RBFOX1: variants seen among roughly 807,000 people sequenced by gnomAD.
RBFOX1 encodes the protein RNA binding fox-1 homolog 1.
Under a neutral mutation model 57.7 loss-of-function variants are expected in RBFOX1, and 8 were observed. That is an observed-to-expected ratio of 0.14 (90% CI 0.08 to 0.25). The LOEUF (loss-of-function observed/expected upper bound fraction) is 0.25, where lower values mean the gene tolerates loss of function less well. Among genes scored for constraint, RBFOX1 ranks in the 10% least tolerant of loss-of-function variants. The probability of loss-of-function intolerance (pLI) is 1.00; values close to 1 mark genes in which losing one functional copy is unlikely to be tolerated. For synonymous variants in RBFOX1, 326 were observed against 222.4 expected (o/e 1.47, Z -4.15); for missense variants, 611 against 548.5 (o/e 1.11, Z -1.14).
chr16:6,039,648 G>C (rs1415054002), intron 1 of RBFOX1, among the ~76,000 whole-genome samples: 1 of 152,168 alleles, frequency 6.6e-6, no homozygotes, highest in African/African-American at 2.4e-5. Context: ...CAGTTATTTT[G>C]AGGAAAGTTA....
At chr16:6,970,164 C>A (rs182889018) in intron 3 of RBFOX1, among the ~76,000 whole-genome samples, 1 of 150,898 alleles carries the variant, frequency 6.6e-6, no homozygotes, top group East Asian at 1.9e-4. Context: ...GGCAACAGAA[C>A]AAGACTCTGG....
rs574852801 is a variant in RBFOX1, at chr16:7,133,197, G to A, written c.27+81099G>A. 3.3e-5 allele frequency among the ~76,000 whole-genome samples: 5 copies of A among 152,126 alleles called. 1 individual carries two copies. The highest frequency in any genetic ancestry group is 4.1e-4 in the South Asian group (2 of 4,822). On this transcript the variant is annotated intron_variant, in intron 4 of 15. Coordinates refer to ENST00000550418, the MANE Select transcript of RBFOX1 (RefSeq NM_018723.4). ...GATTCTCAATGTTTTTGATGAAGAGGGAAAGAGAAAACATATCATTTAAAA... is the reference window on the plus strand; with the variant it reads ...GATTCTCAATGTTTTTGATGAAGAGAGAAAGAGAAAACATATCATTTAAAA...
At position 6,778,969 on chromosome 16, in the gene RBFOX1, G is replaced by A. The variant is rs537692269; in HGVS notation, c.-16+124319G>A. On this transcript the variant is annotated intron_variant, in intron 3 of 15. Coordinates refer to ENST00000550418, the MANE Select transcript of RBFOX1 (RefSeq NM_018723.4). ...GTGTAATGATCAAATCAAGGTAATT[G>A]AAGTAGCCTAACTTTAAATATTTAT... Among the ~76,000 whole-genome samples the A allele has an allele frequency of 6.3e-4, 96 of 151,962 alleles. 1 individual carries two copies. In the Middle Eastern group the frequency reaches 0.014, roughly 22 times the overall value.
At chr16:6,844,969 G>T (rs767828002) in intron 3 of RBFOX1, among the ~76,000 whole-genome samples, 2 of 152,046 alleles carry the variant, frequency 1.3e-5, no homozygotes, top group Non-Finnish European at 2.9e-5. Flanking sequence ...TTTGTTGGCC[G>T]CATGTATGTC....
chr16:7,692,147 A>G (rs2077487649), intron 14 of RBFOX1, among the ~76,000 whole-genome samples: 3 of 152,138 alleles, frequency 2.0e-5, no homozygotes, highest in Non-Finnish European at 2.9e-5. Context: ...CCAAAATCTT[A>G]TGTTAACTTT....
intron 1 of RBFOX1, among the ~76,000 whole-genome samples, chr16:5,394,915 C>G (rs115238146): frequency 0.023 from 3,552 of 152,170 alleles, 134 homozygotes; most frequent in African/African-American, 0.08. Context: ...TGGTAACATC[C>G]TCACTGGCCA....
chr16:5,663,296 A>G (rs190429588), intron 3 of RBFOX1, among the ~76,000 whole-genome samples: 7 of 152,074 alleles, frequency 4.6e-5, no homozygotes, highest in Admixed American at 4.6e-4. Flanking sequence ...CTATAGCTTC[A>G]ACCTCCTGGG....
intron 1 of RBFOX1, among the ~76,000 whole-genome samples, chr16:6,142,875 C>T (rs1472450614): frequency 6.6e-6 from 1 of 152,170 alleles, no homozygotes; most frequent in Non-Finnish European, 1.5e-5. Flanking sequence ...TTCGGGGCTT[C>T]CTCAAAATTC....
At chr16:7,484,061 A>G (rs966107090) in intron 4 of RBFOX1, among the ~76,000 whole-genome samples, 2 of 152,082 alleles carry the variant, frequency 1.3e-5, no homozygotes, top group Non-Finnish European at 2.9e-5. Context: ...GTTGTTTTGA[A>G]TTTCATAATA....
chr16:5,875,333 G>A (rs1305102881), intron 4 of RBFOX1, among the ~76,000 whole-genome samples: 1 of 152,180 alleles, frequency 6.6e-6, no homozygotes, highest in African/African-American at 2.4e-5. Flanking sequence ...TTGTCTGATT[G>A]CAACACCTGG....
intron 2 of RBFOX1, among the ~76,000 whole-genome samples, chr16:6,427,427 G>C (rs540788009): frequency 1.3e-5 from 2 of 152,164 alleles, no homozygotes; most frequent in Non-Finnish European, 2.9e-5. Flanking sequence ...CGCTGAGCAT[G>C]GCCTCATTTG....
intron 1 of RBFOX1, among the ~76,000 whole-genome samples, chr16:6,031,922 C>G (rs1323407698): frequency 6.6e-6 from 1 of 152,228 alleles, no homozygotes; most frequent in Non-Finnish European, 1.5e-5. Context: ...TAACACCATA[C>G]AGTCTCACGA....
intron 4 of RBFOX1, among the ~76,000 whole-genome samples, chr16:7,513,159 A>T (rs1403775131): frequency 1.3e-5 from 2 of 152,128 alleles, no homozygotes; most frequent in Non-Finnish European, 2.9e-5. Flanking sequence ...GCTACTCAGG[A>T]GGCTGAGGCA....
chr16:6,351,090 G>A (rs922837387), intron 2 of RBFOX1, among the ~76,000 whole-genome samples: 3 of 152,032 alleles, frequency 2.0e-5, no homozygotes, highest in Non-Finnish European at 2.9e-5. Flanking sequence ...CAAAACTTAC[G>A]AAGCAGGAGT....
intron 2 of RBFOX1, among the ~76,000 whole-genome samples, chr16:5,505,318 AT>A (rs2043343547): frequency 1.3e-5 from 2 of 152,022 alleles, no homozygotes; most frequent in South Asian, 4.2e-4. Flanking sequence ...CAAAGCCTGC[AT>A]TTTCCCTGCT....
intron 2 of RBFOX1, among the ~76,000 whole-genome samples, chr16:5,524,788 G>C (rs1028844820): frequency 5.3e-5 from 8 of 151,952 alleles, no homozygotes; most frequent in Admixed American, 5.2e-4. Context: ...TAATCTTCCA[G>C]TCTCGGCCTC....
At chr16:5,923,590 C>T (rs139678966) in intron 4 of RBFOX1, among the ~76,000 whole-genome samples, 183 of 141,736 alleles carry the variant, frequency 1.3e-3, no homozygotes, top group African/African-American at 4.5e-3. Context: ...GGCCCAGGCT[C>T]GAATGCAGTG....
At chr16:7,501,170 A>C (rs371313250) in intron 4 of RBFOX1, among the ~76,000 whole-genome samples, 1 of 152,182 alleles carries the variant, frequency 6.6e-6, no homozygotes, top group Admixed American at 6.5e-5. Context: ...TATTTTGATG[A>C]TGGTGATGGA....
intron 4 of RBFOX1, among the ~76,000 whole-genome samples, chr16:7,383,711 C>G (rs746325944): frequency 2.0e-5 from 3 of 152,044 alleles, no homozygotes; most frequent in Admixed American, 6.6e-5. Flanking sequence ...ATATTAAACG[C>G]CTATTCAAAG....
Sources: gnomAD v4.1 joint callset for allele counts (sites outside exome capture counted in the v4.1 genomes callset) on GRCh38, gnomAD v4.1.1 for gene constraint, MANE v1.5 for transcripts, NCBI Gene and HGNC (gene_info 2026-07-23, HGNC 2026-07-21) for gene names.